The following ZNF606 variants were observed in gnomAD, a reference collection of about 807,000 sequenced individuals.
ZNF606 encodes the protein zinc finger protein 328.
ZNF606 carries 37 observed loss-of-function variants against 74.9 expected under a neutral mutation model. The observed-to-expected ratio is 0.49, with a 90% confidence interval of 0.38 to 0.65. The LOEUF is 0.65. Among genes scored for constraint, ZNF606 ranks in the 30% least tolerant of loss-of-function variants. The pLI is 0.00. For synonymous variants in ZNF606, 328 were observed against 312.4 expected, an observed-to-expected ratio of 1.05 and a Z score of -0.53; for missense variants, 852 against 952.9, an observed-to-expected ratio of 0.89 and a Z score of 1.39.
At chr19:58,003,341 G>A (rs2073474487), upstream of ZNF606, 1 of 456,130 alleles carries the variant, frequency 2.2e-6, no homozygotes, top group Non-Finnish European at 4.4e-6. Flanking sequence ...CACCCTGTGA[G>A]TTTTCCTCTA....
Position 57,999,897 on chromosome 19 carries a change from C to A in ZNF606, c.89-1G>T, listed in dbSNP as rs1238769969. On this transcript the variant is annotated splice_acceptor_variant, in intron 3 of 6. Transcript: ENST00000551380. LOFTEE classifies it high-confidence loss of function. ...CAGGCAGGATACTGAGGACACAGAGCTAGGAAACGAGAAAAAAGTCATGGA... is the reference window on the plus strand; with the variant it reads ...CAGGCAGGATACTGAGGACACAGAGATAGGAAACGAGAAAAAAGTCATGGA... 6.2e-7 allele frequency: 1 copy of A among 1,613,246 alleles called. No individual in the cohort carries two copies. Among genetic ancestry groups the A allele is most frequent in the Non-Finnish European group, 8.5e-7 (1 of 1,179,764 alleles).
chr19:57,994,055 C>A (rs933894461), intron 4 of ZNF606, among the ~76,000 whole-genome samples: 5 of 152,162 alleles, frequency 3.3e-5, no homozygotes, highest in Admixed American at 1.3e-4. Flanking sequence ...CAGACAACAG[C>A]CACATTCAAC....
intron 3 of ZNF606, 21 bp from the exon 4 acceptor site, chr19:57,999,917 C>G: frequency 6.2e-7 from 1 of 1,610,494 alleles, no homozygotes; most frequent in Non-Finnish European, 8.5e-7. Context: ...AGAAAAAAGT[C>G]ATGGAGGCAG....
chr19:57,995,362 C>T (rs2073321063), intron 4 of ZNF606, among the ~76,000 whole-genome samples: 1 of 152,028 alleles, frequency 6.6e-6, no homozygotes, highest in East Asian at 1.9e-4. Context: ...ACTTATAAAC[C>T]TGCCCATAAA....
At chr19:58,003,255 G>C (rs1286470092), upstream of ZNF606, 1 of 456,596 alleles carries the variant, frequency 2.2e-6, no homozygotes, top group African/African-American at 2.0e-5. Flanking sequence ...AAGCTCGACG[G>C]CTGAGAACGT....
chr19:57,985,710 T>C (rs10426707), intron 6 of ZNF606, among the ~76,000 whole-genome samples: 33,906 of 150,520 alleles, frequency 0.23, 3,866 homozygotes, highest in Non-Finnish European at 0.24. Flanking sequence ...GGGTGGATCA[T>C]GAGGTCAAGA....
At chr19:57,986,716 G>C (rs566508705) in intron 6 of ZNF606, among the ~76,000 whole-genome samples, 1 of 152,242 alleles carries the variant, frequency 6.6e-6, no homozygotes, top group African/African-American at 2.4e-5. Context: ...GGAGGGCAGA[G>C]CTATACACAA....
chr19:57,986,004 A>T (rs1249721874), intron 6 of ZNF606, among the ~76,000 whole-genome samples: 5 of 152,114 alleles, frequency 3.3e-5, no homozygotes, highest in Non-Finnish European at 5.9e-5. Flanking sequence ...GAAATTCATC[A>T]CGTACAAGGG....
chr19:57,991,011 A>C (rs904196940), intron 4 of ZNF606, among the ~76,000 whole-genome samples: 1 of 151,792 alleles, frequency 6.6e-6, no homozygotes, highest in African/African-American at 2.4e-5. Context: ...CTGCAGCCTC[A>C]CACCCCATGT....
At chr19:57,984,505 C>G (rs1406259227) in intron 6 of ZNF606, among the ~76,000 whole-genome samples, 1 of 152,172 alleles carries the variant, frequency 6.6e-6, no homozygotes, top group Non-Finnish European at 1.5e-5. Context: ...GGAAGATAAT[C>G]CAACTTCAGG....
At chr19:57,985,631 A>G (rs2073152125) in intron 6 of ZNF606, among the ~76,000 whole-genome samples, 1 of 152,098 alleles carries the variant, frequency 6.6e-6, no homozygotes, top group African/African-American at 2.4e-5. Flanking sequence ...ATGCATACCC[A>G]TAATAATTAA....
In ZNF606 at chr19:57,979,587, T is replaced by C; in HGVS notation, c.1093A>G (p.Ile365Val). The part of the protein sequence containing the change: ...YFSSFMEHQK[I>V]GTVEKAYKYN... ...TTATACGCTTTCTCTACAGTACCAA[T>C]TTTTTGATGTTCCATAAAGGATGAG... Residue 365 changes from isoleucine to valine, a missense_variant, in exon 7 of 7, where the codon ATT becomes GTT. By Grantham distance (29) the Ile-to-Val change is conservative. This residue lies in a region of ZNF606 where 545 missense variants were observed against 542.5 expected (regional missense o/e 1.00). Coordinates refer to ENST00000551380, the MANE Select transcript of ZNF606 (RefSeq NM_001348022.3). The C allele has an allele frequency of 6.2e-7, 1 of 1,612,894 alleles. No homozygotes were observed. Among genetic ancestry groups the C allele is most frequent in the South Asian group, 1.1e-5 (1 of 90,714 alleles).
intron 4 of ZNF606, among the ~76,000 whole-genome samples, chr19:57,990,358 CTG>C (rs1360334120): frequency 7.8e-6 from 1 of 128,612 alleles, no homozygotes; most frequent in Non-Finnish European, 1.8e-5. Context: ...AAGCAAGACT[CTG>C]TCTCAAAAAA....
upstream of ZNF606, chr19:58,002,892 C>T (rs753263622): frequency 1.3e-4 from 56 of 437,650 alleles, 1 homozygote; most frequent in Non-Finnish European, 2.2e-4. Context: ...AGCGGCGCCG[C>T]CATGACAGGT....
rs991595606 is a variant in ZNF606 at position 57,977,484 on chromosome 19, T to C, written c.*817A>G. On this transcript the variant is annotated 3_prime_UTR_variant, in exon 7 of 7. Coordinates refer to ENST00000551380, the MANE Select transcript of ZNF606 (RefSeq NM_001348022.3). ...TTAGATGTGTTACAGTAAGTATGTA[T>C]ATACAATTCTGTATCCTTTTTATTC... 2.0e-5 allele frequency: 3 copies of C among 152,272 alleles called. No homozygotes were observed. The highest frequency in any genetic ancestry group is 7.2e-5 in the African/African-American group (3 of 41,476). 9.4% of individuals were successfully genotyped at this position (152,272 alleles called of 1,614,324 possible).
intron 2 of ZNF606, 56 bp downstream of exon 2, chr19:58,001,233 A>G (rs1421728628): frequency 2.5e-6 from 4 of 1,606,384 alleles, no homozygotes; most frequent in African/African-American, 2.7e-5. Context: ...GCTCTGACCC[A>G]TGACTGCAGC....
At chr19:57,982,115 G>A (rs2073093336) in intron 6 of ZNF606, among the ~76,000 whole-genome samples, 2 of 152,208 alleles carry the variant, frequency 1.3e-5, no homozygotes, top group African/African-American at 4.8e-5. Flanking sequence ...CTGGAAGTCA[G>A]AAGTCCAAAA....
chr19:57,980,750 G>A (rs2073074554), intron 6 of ZNF606, among the ~76,000 whole-genome samples: 2 of 151,328 alleles, frequency 1.3e-5, no homozygotes, highest in East Asian at 2.0e-4. Flanking sequence ...CAGGAGAATG[G>A]CATGAACCCG....
chr19:57,998,240 A>G (rs1568584190), intron 4 of ZNF606: 2 of 152,190 alleles, frequency 1.3e-5, no homozygotes, highest in African/African-American at 4.8e-5. Context: ...AACCAATTTA[A>G]AAAATCTCCC....
Sources: gnomAD v4.1 joint callset for allele counts (sites outside exome capture counted in the v4.1 genomes callset) on GRCh38, gnomAD v4.1.1 for gene constraint, gnomAD v4.1.1 regional missense constraint, MANE v1.5 for transcripts, NCBI Gene and HGNC (gene_info 2026-07-23, HGNC 2026-07-21) for gene names.